Variants in PCCA observed in about 807,000 individuals in gnomAD.
The protein encoded by PCCA is propionyl-CoA carboxylase alpha chain, mitochondrial.
Under a neutral mutation model 101.3 loss-of-function variants are expected in PCCA, and 74 were observed. The observed-to-expected ratio is 0.73, with a 90% CI of 0.61 to 0.89. The LOEUF is 0.89. Ranked by LOEUF, PCCA falls within the 40% of genes least tolerant of loss-of-function variation. The probability of loss-of-function intolerance (pLI) is 0.00; values close to 1 mark genes in which losing one functional copy is unlikely to be tolerated. For synonymous variants in PCCA, 294 were observed against 313.6 expected, an observed-to-expected ratio of 0.94 and a Z score of 0.66; for missense variants, 891 against 907.0, an observed-to-expected ratio of 0.98 and a Z score of 0.23.
chr13:100,171,595 A>G (rs2055651000), intron 6 of PCCA, among the ~76,000 whole-genome samples: 1 of 152,238 alleles, frequency 6.6e-6, no homozygotes, highest in African/African-American at 2.4e-5. Context: ...CTAGTCATTA[A>G]TAATTCTTTA....
chr13:100,453,681 G>A (rs565743135), intron 21 of PCCA, among the ~76,000 whole-genome samples: 40 of 151,874 alleles, frequency 2.6e-4, no homozygotes, highest in African/African-American at 9.7e-4. Flanking sequence ...CTCAGTTCAG[G>A]GCCTGTTCCA....
chr13:100,123,098 C>A (rs1481339480), intron 4 of PCCA, among the ~76,000 whole-genome samples: 1 of 152,252 alleles, frequency 6.6e-6, no homozygotes, highest in Admixed American at 6.5e-5. Flanking sequence ...ACTCTGTCGT[C>A]CAGGCTGGAG....
intron 20 of PCCA, among the ~76,000 whole-genome samples, chr13:100,437,229 CCGCACCTGCTTTAAGTA>C (rs1373577651): frequency 2.0e-5 from 3 of 152,182 alleles, no homozygotes; most frequent in African/African-American, 7.2e-5. Flanking sequence ...ACAGAACCAC[CCGCACCTGCTTTAAGTA>C]CGCTGCCTTT....
chr13:100,493,739 C>G (rs1239785122), intron 21 of PCCA, among the ~76,000 whole-genome samples: 2 of 152,234 alleles, frequency 1.3e-5, no homozygotes, highest in Non-Finnish European at 1.5e-5. Flanking sequence ...GAAGTCAGCA[C>G]TCTCCATCTT....
At chr13:100,411,723 C>T (rs775380923) in intron 19 of PCCA, among the ~76,000 whole-genome samples, 5 of 152,184 alleles carry the variant, frequency 3.3e-5, no homozygotes, top group Non-Finnish European at 5.9e-5. Context: ...AGATGGCCAT[C>T]TTTCTTGCTG....
chr13:100,155,872 C>A (rs773116513), intron 5 of PCCA, among the ~76,000 whole-genome samples: 4 of 152,152 alleles, frequency 2.6e-5, no homozygotes, highest in Non-Finnish European at 5.9e-5. Context: ...AATTCGTGAA[C>A]CCATATTATA....
intron 22 of PCCA, among the ~76,000 whole-genome samples, chr13:100,520,589 C>A (rs989083849): frequency 2.2e-5 from 3 of 138,454 alleles, no homozygotes; most frequent in Non-Finnish European, 4.5e-5. Flanking sequence ...GAGCGGAGAT[C>A]GCGCCACAGC....
chr13:100,230,800 G>A (rs1267163285), intron 7 of PCCA, among the ~76,000 whole-genome samples: 1 of 152,204 alleles, frequency 6.6e-6, no homozygotes, highest in Non-Finnish European at 1.5e-5. Flanking sequence ...CTGGACAAGG[G>A]TTTCTGTCCT....
At chr13:100,227,068 A>G (rs1280745837) in intron 7 of PCCA, among the ~76,000 whole-genome samples, 1 of 152,092 alleles carries the variant, frequency 6.6e-6, no homozygotes, top group Non-Finnish European at 1.5e-5. Flanking sequence ...CAGTGGCACT[A>G]TCTTGGCTCA....
At chr13:100,480,486 GA>G (rs1281792301) in intron 21 of PCCA, 1 of 152,206 alleles carries the variant, frequency 6.6e-6, no homozygotes, top group African/African-American at 2.4e-5. Context: ...GGGGCTGTCT[GA>G]AACTATTCAG....
At chr13:100,092,873 G>GA (rs1467461993) in intron 1 of PCCA, among the ~76,000 whole-genome samples, 9 of 152,260 alleles carry the variant, frequency 5.9e-5, no homozygotes, top group African/African-American at 2.2e-4. Flanking sequence ...TTTGGGAAAA[G>GA]AAATTTCTGA....
At chr13:100,092,935 T>A (rs1191048687) in intron 1 of PCCA, among the ~76,000 whole-genome samples, 1 of 152,226 alleles carries the variant, frequency 6.6e-6, no homozygotes, top group Non-Finnish European at 1.5e-5. Context: ...TAGACATTTA[T>A]ATATTTATAC....
In PCCA at chr13:100,151,821, C is replaced by A. The variant is rs1296595705; in HGVS notation, c.301-3158C>A. On this transcript the variant is annotated intron_variant, in intron 4 of 23. Coordinates refer to ENST00000376285, the MANE Select transcript of PCCA (RefSeq NM_000282.4). ...ATTAGTGTACCTCAGTTTAAACTTT[C>A]CATGGTTGTTATGTATTTCCTTTGC... Among the ~76,000 whole-genome samples, 3 of 152,014 alleles carry A rather than the reference C, an allele frequency of 2.0e-5. No homozygotes were observed. In the East Asian group the frequency reaches 5.8e-4, roughly 29 times the overall value.
chr13:100,162,977 A>G (rs994828391), intron 6 of PCCA, among the ~76,000 whole-genome samples: 4 of 152,220 alleles, frequency 2.6e-5, no homozygotes, highest in Admixed American at 1.3e-4. Flanking sequence ...GAAATGTTTG[A>G]GAACGTTTCC....
intron 21 of PCCA, among the ~76,000 whole-genome samples, chr13:100,469,176 A>G (rs1002368434): frequency 7.6e-6 from 1 of 131,122 alleles, no homozygotes; most frequent in Middle Eastern, 3.9e-3. Flanking sequence ...GCGCCATTGC[A>G]CTCCAGCCTG....
chr13:100,184,188 TA>T (rs2057046324), intron 6 of PCCA, among the ~76,000 whole-genome samples: 1 of 152,136 alleles, frequency 6.6e-6, no homozygotes, highest in African/African-American at 2.4e-5. Context: ...AGGTTATAAC[TA>T]TAGTAGTTAT....
chr13:100,478,588 C>T (rs894492697), intron 21 of PCCA, among the ~76,000 whole-genome samples: 2 of 152,226 alleles, frequency 1.3e-5, no homozygotes, highest in Admixed American at 1.3e-4. Flanking sequence ...GGAGCTGCTG[C>T]TGTTACCCTC....
intron 19 of PCCA, among the ~76,000 whole-genome samples, chr13:100,413,398 T>C (rs921033150): frequency 6.6e-6 from 1 of 151,988 alleles, no homozygotes; most frequent in Admixed American, 6.6e-5. Context: ...GGTAGCAAAA[T>C]ACATATGAAA....
intron 20 of PCCA, among the ~76,000 whole-genome samples, chr13:100,437,357 A>G (rs1196527038): frequency 6.6e-6 from 1 of 152,236 alleles, no homozygotes; most frequent in Non-Finnish European, 1.5e-5. Context: ...AGGAAATCAC[A>G]TATTTTGAAA....
Sources: gnomAD v4.1 joint callset for allele counts (sites outside exome capture counted in the v4.1 genomes callset) on GRCh38, gnomAD v4.1.1 for gene constraint, MANE v1.5 for transcripts, NCBI Gene and HGNC (gene_info 2026-07-23, HGNC 2026-07-21) for gene names.